Variants in UBR1 observed in about 807,000 individuals in gnomAD.
The protein encoded by UBR1 is ubiquitin protein ligase E3 component n-recognin 1, also known as E3 ubiquitin-protein ligase UBR1.
A neutral mutation model predicts 242.1 loss-of-function variants in UBR1; 102 were observed. The observed-to-expected ratio is 0.42, with a 90% CI of 0.36 to 0.50. The LOEUF is 0.50. Among genes scored for constraint, UBR1 ranks in the 20% least tolerant of loss-of-function variants. The pLI is 0.01. For synonymous variants in UBR1, 675 were observed against 684.8 expected, an observed-to-expected ratio of 0.99 and a Z score of 0.22; for missense variants, 1,772 against 2,101.8, an observed-to-expected ratio of 0.84 and a Z score of 3.07.
chr15:43,100,819 C>A (rs1393877469), intron 1 of UBR1, among the ~76,000 whole-genome samples: 1 of 152,078 alleles, frequency 6.6e-6, no homozygotes, highest in Non-Finnish European at 1.5e-5. Context: ...GGCGACAGAG[C>A]GAGACTCCGT....
intron 4 of UBR1, among the ~76,000 whole-genome samples, chr15:43,071,751 A>G (rs2141347604): frequency 6.6e-6 from 1 of 152,364 alleles, no homozygotes; most frequent in Middle Eastern, 3.4e-3. Context: ...ATTACAAAAC[A>G]TTAATAAAAA....
At chr15:43,030,449 C>A (rs1246236105) in intron 20 of UBR1, among the ~76,000 whole-genome samples, 1 of 152,192 alleles carries the variant, frequency 6.6e-6, no homozygotes, top group Non-Finnish European at 1.5e-5. Flanking sequence ...GAGCAGTGGC[C>A]ATCACTGAAT....
intron 29 of UBR1, chr15:43,011,948 C>A (rs1463755283): frequency 2.2e-6 from 1 of 452,234 alleles, no homozygotes. Context: ...CATTATAGGC[C>A]GGGCACAGTG....
At chr15:42,983,653 G>A (rs1028526868) in intron 37 of UBR1, among the ~76,000 whole-genome samples, 1 of 126,256 alleles carries the variant, frequency 7.9e-6, no homozygotes, top group Non-Finnish European at 1.7e-5. Flanking sequence ...CAACAACAGC[G>A]AAACTCCCAC....
chr15:43,026,629 G>C lies in UBR1; in HGVS notation c.2467C>G (p.Leu823Val), dbSNP rs1452416487. Residue 823 changes from leucine to valine, a missense_variant, in exon 23 of 47, where the codon CTA becomes GTA. This residue lies in a region of UBR1 where 73 missense variants were observed against 128.9 expected (regional missense o/e 0.57). Transcript: ENST00000290650. ...PGVSGHGVYE[L>V]KDESLKDFNM... ...AAGTCTTTCAGTGATTCATCTTTTA[G>C]TTCATAAACTCCATGGCCTGATACA... is the stretch of plus-strand genomic sequence containing the variant. The C allele has an allele frequency of 1.9e-6, 3 of 1,613,096 alleles. No homozygotes were observed. Among genetic ancestry groups the C allele is most frequent in the Non-Finnish European group, 2.5e-6 (3 of 1,179,684 alleles).
intron 26 of UBR1, among the ~76,000 whole-genome samples, chr15:43,021,968 T>C (rs574665092): frequency 1.3e-5 from 2 of 152,318 alleles, no homozygotes; most frequent in South Asian, 4.2e-4. Context: ...CTGGCACTGC[T>C]AAGTGAAAGC....
chr15:43,037,701 G>A lies in UBR1; in HGVS notation c.2022+72C>T. On this transcript the variant is annotated intron_variant, in intron 17 of 46. Transcript: ENST00000290650. The stretch of plus-strand genomic sequence containing the variant: ...ACTCAGTAAAATCTAGGAACACAGG[G>A]TAAAATCATATAAGAGAAAAAAATT... The A allele has an allele frequency of 1.9e-5, 25 of 1,326,782 alleles. No individual in the cohort carries two copies. The South Asian group carries it at 2.7e-4, about 14-fold the overall frequency. 82.2% of individuals were successfully genotyped at this position (1,326,782 alleles called of 1,614,324 possible). A position where few individuals can be genotyped will look rare whatever the true frequency, so the allele number is the denominator to read the frequency against.
Position 43,086,190 on chromosome 15 carries a change from T to C in UBR1, c.132A>G (p.Ala44=), listed in dbSNP as rs1296605677. 1 of 1,614,056 alleles carries C rather than the reference T, an allele frequency of 6.2e-7. No individual in the cohort carries two copies. Among genetic ancestry groups the C allele is most frequent in the Non-Finnish European group, 8.5e-7 (1 of 1,180,012 alleles). The change falls in exon 2 of 47, where the codon GCA becomes GCG. Residue 44 remains alanine (A), a synonymous_variant. Transcript: ENST00000290650. ...CAAAGTAAATTTCTGGCACCAATTG[T>C]GCCAAATGATGCAAGAAAGCAGTAT... ...DFYTAFLHHL[A]QLVPEIYFAE... is the part of the protein sequence containing the mutation.
rs1273608997 is a variant in UBR1 at position 43,105,998 on chromosome 15, T to C, written c.25A>G (p.Thr9Ala). Reference protein sequence around the residue: MADEEAGGTERMEISAELP... With the variant: MADEEAGGAERMEISAELP... ...TCCGCGCTGATTTCCATCCTCTCAG[T>C]ACCTCCAGCCTCCTCGTCCGCCATC... is the stretch of plus-strand genomic sequence containing the variant. The change falls in exon 1 of 47, where the codon ACT (threonine) becomes GCT (alanine). Residue 9 changes from threonine (T) to alanine (A), a missense_variant. Thr to Ala is a moderately conservative substitution (Grantham distance 58, BLOSUM62 0). Transcript: ENST00000290650. 5 of 1,613,836 alleles carry C rather than the reference T, an allele frequency of 3.1e-6. No individual in the cohort carries two copies. In the South Asian group the frequency reaches 4.4e-5, roughly 14 times the overall value.
chr15:43,014,152 G>T (rs938161521), intron 29 of UBR1, among the ~76,000 whole-genome samples: 1 of 152,242 alleles, frequency 6.6e-6, no homozygotes, highest in South Asian at 2.1e-4. Flanking sequence ...CCGAGGTGCC[G>T]GGATTGCAGA....
At chr15:43,012,854 T>A (rs2032943825) in intron 29 of UBR1, among the ~76,000 whole-genome samples, 1 of 152,224 alleles carries the variant, frequency 6.6e-6, no homozygotes, top group Admixed American at 6.5e-5. Flanking sequence ...ACATATCAGA[T>A]AGGATGTATT....
Position 42,960,667 on chromosome 15 carries a change from T to A in UBR1, c.4735A>T (p.Lys1579Ter), listed in dbSNP as rs1230988545. The A allele has an allele frequency of 6.2e-7, 1 of 1,614,036 alleles. No individual in the cohort carries two copies. The highest frequency in any genetic ancestry group is 8.5e-7 in the Non-Finnish European group (1 of 1,179,942). The change falls in exon 43 of 47, where the codon AAG becomes TAG. Residue 1579 changes from lysine to a stop codon, truncating the protein, a stop_gained. Transcript: ENST00000290650. LOFTEE classifies it high-confidence loss of function. The stretch of plus-strand genomic sequence containing the variant: ...AACCTGACCACGGTGTTTTTTTGCT[T>A]CAAACAGTTTAGTAAGGCAGGATCT... ...CADPALLNCL[K>*]QKNTVVRYPR...
intron 39 of UBR1, among the ~76,000 whole-genome samples, chr15:42,974,274 T>C (rs1735217314): frequency 6.6e-6 from 1 of 152,240 alleles, no homozygotes; most frequent in Non-Finnish European, 1.5e-5. Flanking sequence ...GTAAAGTCTG[T>C]GTCTATATTC....
intron 37 of UBR1, among the ~76,000 whole-genome samples, chr15:42,979,084 GGT>G: frequency 6.6e-6 from 1 of 151,698 alleles, no homozygotes; most frequent in Admixed American, 6.6e-5. Context: ...TAGTAGAGAT[GGT>G]GTTTCACCAT....
Position 43,054,894 on chromosome 15 carries a change from T to G in UBR1, c.1287A>C (p.Arg429=), listed in dbSNP as rs1252234460. Reference sequence around the variant, plus strand: ...TAACATTCTGCTCTTCAATAAGATGTCGAGCCTGCGGAATATTTCAAGAAT... The same window carrying G: ...TAACATTCTGCTCTTCAATAAGATGGCGAGCCTGCGGAATATTTCAAGAAT... The part of the protein sequence containing the change: ...VQMFTVPTLA[R]HLIEEQNVIS... The change falls in exon 12 of 47, where the codon CGA becomes CGC. Residue 429 remains arginine, a synonymous_variant. Transcript: ENST00000290650. 1.9e-6 allele frequency: 3 copies of G among 1,613,976 alleles called. No individual in the cohort carries two copies. Among genetic ancestry groups the G allele is most frequent in the Non-Finnish European group, 2.5e-6 (3 of 1,180,010 alleles).
At chr15:43,014,357 G>A (rs2032976117) in intron 29 of UBR1, among the ~76,000 whole-genome samples, 1 of 152,052 alleles carries the variant, frequency 6.6e-6, no homozygotes, top group Non-Finnish European at 1.5e-5. Context: ...TCTGGGATGT[G>A]AGGAGCCCCT....
At chr15:43,055,016 G>A in intron 11 of UBR1, 117 bp from the exon 12 acceptor site, 1 of 1,188,320 alleles carries the variant, frequency 8.4e-7, no homozygotes, top group Non-Finnish European at 1.2e-6. Context: ...GTTATTGAAT[G>A]TTAAACACAG....
intron 3 of UBR1, among the ~76,000 whole-genome samples, chr15:43,075,455 ATACTTT>A (rs1376803084): frequency 1.3e-5 from 2 of 152,060 alleles, no homozygotes; most frequent in African/African-American, 4.8e-5. Context: ...TTTAATTGTT[ATACTTT>A]AAGTTTTAGG....
At chr15:42,988,687 T>C in intron 35 of UBR1, 132 bp downstream of exon 35, 2 of 1,238,642 alleles carry the variant, frequency 1.6e-6, no homozygotes, top group South Asian at 2.4e-5. Flanking sequence ...GCCACACTAA[T>C]ACACTGAAAT....
Sources: gnomAD v4.1 joint callset for allele counts (sites outside exome capture counted in the v4.1 genomes callset) on GRCh38, gnomAD v4.1.1 for gene constraint, gnomAD v4.1.1 regional missense constraint, MANE v1.5 for transcripts, NCBI Gene and HGNC (gene_info 2026-07-23, HGNC 2026-07-21) for gene names.